The following MGAT4A variants were observed in gnomAD, a reference collection of about 807,000 sequenced individuals.
MGAT4A encodes alpha-1,3-mannosyl-glycoprotein 4-beta-N-acetylglucosaminyltransferase A, also known as N-acetylglucosaminyltransferase IVa.
In MGAT4A, 33 loss-of-function variants were observed where a neutral mutation model predicts 74.1. The observed-to-expected ratio is 0.45, with a 90% CI of 0.34 to 0.60. The LOEUF (loss-of-function observed/expected upper bound fraction) is 0.60, where lower values mean the gene tolerates loss of function less well. Ranked by LOEUF, MGAT4A falls within the 20% of genes least tolerant of loss-of-function variation. MGAT4A has a pLI of 0.02. For synonymous variants in MGAT4A, 198 were observed against 210.4 expected (o/e 0.94, Z 0.51); for missense variants, 479 against 628.3 (o/e 0.76, Z 2.54).
In MGAT4A at chr2:98,690,046, G is replaced by A. The variant is rs1244591908; in HGVS notation, c.95-11575C>T. 2.6e-5 allele frequency among the ~76,000 whole-genome samples: 4 copies of A among 151,402 alleles called. No individual in the cohort carries two copies. The East Asian group carries it at 5.8e-4, about 22-fold the overall frequency. On this transcript the variant is annotated intron_variant, in intron 2 of 15. Coordinates refer to ENST00000393487, the MANE Select transcript of MGAT4A (RefSeq NM_012214.3). The stretch of plus-strand genomic sequence containing the variant: ...ACCAAGAAAAGCCTGCTAACCCTAT[G>A]CAAAGGACTCAGTAAAGGGCAACCC...
At chr2:98,636,408 G>A in intron 13 of MGAT4A, 109 bp downstream of exon 13, 1 of 819,670 alleles carries the variant, frequency 1.2e-6, no homozygotes, top group Non-Finnish European at 2.1e-6. Context: ...TCACCATTGA[G>A]TCCTGCAAAT....
In MGAT4A at chr2:98,621,515, G is replaced by T. The variant is rs1451083810; in HGVS notation, c.*4051C>A. 1 of 1,551,450 alleles carries T rather than the reference G, an allele frequency of 6.4e-7. No homozygotes were observed. Among genetic ancestry groups the T allele is most frequent in the Non-Finnish European group, 8.7e-7 (1 of 1,146,960 alleles). On this transcript the variant is annotated 3_prime_UTR_variant, in exon 16 of 16. Coordinates refer to ENST00000393487, the MANE Select transcript of MGAT4A (RefSeq NM_012214.3). The stretch of plus-strand genomic sequence containing the variant: ...CCGAGAAAACTCTCTGCTTTTAAAG[G>T]AGTCACAAGATTTGATTAGCCACCC...
intron 2 of MGAT4A, among the ~76,000 whole-genome samples, chr2:98,704,503 G>T (rs1460279440): frequency 1.3e-5 from 2 of 152,248 alleles, no homozygotes; most frequent in East Asian, 3.9e-4. Flanking sequence ...AGCTACTTGG[G>T]AAGCTGAAGT....
intron 2 of MGAT4A, among the ~76,000 whole-genome samples, chr2:98,689,269 G>T (rs1702165447): frequency 1.3e-5 from 2 of 152,158 alleles, no homozygotes; most frequent in South Asian, 4.1e-4. Flanking sequence ...ATGGCAAAAA[G>T]AAGAAAAGTT....
chr2:98,640,371 A>C, intron 10 of MGAT4A, 143 bp from the exon 11 acceptor site: 1 of 656,738 alleles, frequency 1.5e-6, no homozygotes, highest in African/African-American at 1.8e-5. Context: ...GCATGTTGAA[A>C]GGCCAAGGCA....
At chr2:98,718,399 T>C (rs911036578) in intron 2 of MGAT4A, among the ~76,000 whole-genome samples, 5 of 152,226 alleles carry the variant, frequency 3.3e-5, no homozygotes, top group Non-Finnish European at 5.9e-5. Flanking sequence ...ATTATTGTTT[T>C]AAAAACCTCT....
chr2:98,721,270 C>A (rs1702666360), intron 2 of MGAT4A, among the ~76,000 whole-genome samples: 1 of 152,114 alleles, frequency 6.6e-6, no homozygotes, highest in Non-Finnish European at 1.5e-5. Flanking sequence ...AGCAGACATG[C>A]CTTATAAGAA....
intron 4 of MGAT4A, among the ~76,000 whole-genome samples, chr2:98,667,934 G>A (rs1469440289): frequency 6.6e-6 from 1 of 152,128 alleles, no homozygotes; most frequent in Admixed American, 6.6e-5. Flanking sequence ...TGGTCAGGCT[G>A]GTCTCGAACT....
intron 2 of MGAT4A, among the ~76,000 whole-genome samples, chr2:98,686,504 G>A (rs138864269): frequency 0.012 from 1,760 of 151,456 alleles, 15 homozygotes; most frequent in Middle Eastern, 0.028. Context: ...ACAAACAAAC[G>A]ATGCTGCATG....
intron 9 of MGAT4A, 129 bp from the exon 10 acceptor site, chr2:98,644,182 T>G: frequency 3.1e-6 from 3 of 961,882 alleles, no homozygotes; most frequent in Non-Finnish European, 4.3e-6. Context: ...CATAAACAAT[T>G]TCCCCACTTG....
At chr2:98,637,568 G>T (rs13021375) in intron 12 of MGAT4A, among the ~76,000 whole-genome samples, 1 of 151,932 alleles carries the variant, frequency 6.6e-6, no homozygotes, top group Non-Finnish European at 1.5e-5. Flanking sequence ...GTAAGTATGC[G>T]TATGCGTTCT....
intron 4 of MGAT4A, among the ~76,000 whole-genome samples, chr2:98,670,318 T>G (rs1701895842): frequency 6.6e-6 from 1 of 152,172 alleles, no homozygotes; most frequent in Non-Finnish European, 1.5e-5. Flanking sequence ...TATTTCCAAT[T>G]CAAGCAGTAA....
intron 2 of MGAT4A, among the ~76,000 whole-genome samples, chr2:98,697,255 G>T (rs1420735223): frequency 6.6e-6 from 1 of 152,162 alleles, no homozygotes; most frequent in East Asian, 1.9e-4. Context: ...CAGCAACTTG[G>T]ATAGGCCTCA....
chr2:98,648,422 C>T (rs752174903), intron 8 of MGAT4A, among the ~76,000 whole-genome samples: 1 of 152,112 alleles, frequency 6.6e-6, no homozygotes, highest in Non-Finnish European at 1.5e-5. Flanking sequence ...ATCACTTGAA[C>T]CCGGGAGGCA....
In MGAT4A at chr2:98,625,393, C is replaced by T. The variant is rs759640999; in HGVS notation, c.*173G>A. The T allele has an allele frequency of 2.1e-6, 3 of 1,431,852 alleles. No homozygotes were observed. Among genetic ancestry groups the T allele is most frequent in the Admixed American group, 3.2e-5 (1 of 31,150 alleles). The allele number at this position is 1,431,852 out of a possible 1,614,324, so 88.7% of individuals were successfully genotyped here. A position where few individuals can be genotyped will look rare whatever the true frequency, so the allele number is the denominator to read the frequency against. ...TTAAAATCTGAGGACAGCTTAGTTT[C>T]AAACAAATACAATTATTATGGGAGA... On this transcript the variant is annotated 3_prime_UTR_variant, in exon 16 of 16. Coordinates refer to ENST00000393487, the MANE Select transcript of MGAT4A (RefSeq NM_012214.3).
At chr2:98,640,256 G>T (rs1701385341) in intron 10 of MGAT4A, 28 bp from the exon 11 acceptor site, 12 of 1,546,118 alleles carry the variant, frequency 7.8e-6, no homozygotes, top group African/African-American at 1.4e-5. Context: ...TCACGTTAGT[G>T]TTGCATCATA....
intron 4 of MGAT4A, among the ~76,000 whole-genome samples, chr2:98,669,460 T>C (rs189340931): frequency 7.2e-5 from 11 of 152,276 alleles, no homozygotes; most frequent in East Asian, 3.9e-4. Flanking sequence ...TCCAATTAAA[T>C]CTCTTTCTTT....
intron 14 of MGAT4A, among the ~76,000 whole-genome samples, chr2:98,630,817 C>T (rs1701220567): frequency 6.6e-6 from 1 of 152,154 alleles, no homozygotes; most frequent in African/African-American, 2.4e-5. Context: ...GGGAAGAAGA[C>T]TTAAGACTAC....
intron 2 of MGAT4A, among the ~76,000 whole-genome samples, chr2:98,713,471 A>C (rs941959190): frequency 3.3e-5 from 5 of 151,418 alleles, no homozygotes; most frequent in Non-Finnish European, 7.4e-5. Context: ...AAAAACAAAC[A>C]AACCCGTAGG....
Sources: gnomAD v4.1 joint callset for allele counts (sites outside exome capture counted in the v4.1 genomes callset) on GRCh38, gnomAD v4.1.1 for gene constraint, MANE v1.5 for transcripts, NCBI Gene and HGNC (gene_info 2026-07-23, HGNC 2026-07-21) for gene names.